VWCE: variants seen among roughly 807,000 people sequenced by gnomAD.
VWCE encodes von Willebrand factor C and EGF domains.
In VWCE, 68 loss-of-function variants were observed where a neutral mutation model predicts 102.9. That is an observed-to-expected ratio of 0.66 (90% CI 0.54 to 0.81). The LOEUF is 0.81. Among genes scored for constraint, VWCE ranks in the 30% least tolerant of loss-of-function variants. The pLI is 0.00. For missense variants in VWCE, 1,137 were observed against 1,263.6 expected, an observed-to-expected ratio of 0.90 and a Z score of 1.52; for synonymous variants, 497 against 515.4, an observed-to-expected ratio of 0.96 and a Z score of 0.48.
intron 19 of VWCE, among the ~76,000 whole-genome samples, chr11:61,261,917 G>T (rs1199420038): frequency 1.3e-5 from 2 of 152,140 alleles, no homozygotes; most frequent in Non-Finnish European, 2.9e-5. Context: ...AACATAGTGT[G>T]CTTCAGGAGA....
In VWCE at chr11:61,268,124, T is replaced by A. The variant is rs111718338; in HGVS notation, c.1883-580A>T. Among the ~76,000 whole-genome samples, 7 of 150,466 alleles carry A rather than the reference T, an allele frequency of 4.7e-5. 1 individual carries two copies. The highest frequency in any genetic ancestry group is 1.7e-4 in the African/African-American group (7 of 41,174). ...TATATGTATGTTTATATATATATTATATATATAATGTACATCTACTAAATG... is the reference window on the plus strand; with the variant it reads ...TATATGTATGTTTATATATATATTAAATATATAATGTACATCTACTAAATG... On this transcript the variant is annotated intron_variant, in intron 15 of 19. Transcript: ENST00000335613.
chr11:61,283,128 C>T (rs1271184041), intron 5 of VWCE, among the ~76,000 whole-genome samples: 1 of 152,202 alleles, frequency 6.6e-6, no homozygotes, highest in Non-Finnish European at 1.5e-5. Context: ...CCACATTCAT[C>T]TCTAGTCTGG....
At position 61,268,960 on chromosome 11, in the gene VWCE, A is replaced by G; in HGVS notation, c.1844T>C (p.Ile615Thr). Residue 615 changes from isoleucine to threonine, a missense_variant, in exon 15 of 20, where the codon ATC becomes ACC. By Grantham distance (89) the Ile-to-Thr change is moderately conservative (BLOSUM62 -1). Around this residue, in one of 5 missense-constraint regions of VWCE, gnomAD observed 212 missense variants for 235.1 expected, o/e 0.90. Transcript: ENST00000335613. ...TGGGCAGCACTGTCCAGGGATCCGG[A>G]TCGGGTGAGGGCAGGAGTCCACACA... ...TDCVDSCPHP[I>T]RIPGQCCPDC... 1.2e-6 allele frequency: 2 copies of G among 1,614,116 alleles called. No homozygotes were observed. Among genetic ancestry groups the G allele is most frequent in the Non-Finnish European group, 1.7e-6 (2 of 1,180,028 alleles).
At chr11:61,262,412 G>A (rs771373943) in intron 19 of VWCE, among the ~76,000 whole-genome samples, 1 of 152,174 alleles carries the variant, frequency 6.6e-6, no homozygotes, top group African/African-American at 2.4e-5. Flanking sequence ...CCTGCAAAAT[G>A]GAGATAACAT....
intron 19 of VWCE, among the ~76,000 whole-genome samples, chr11:61,264,188 T>A (rs914223240): frequency 7.8e-6 from 1 of 128,108 alleles, no homozygotes; most frequent in African/African-American, 3.1e-5. Flanking sequence ...ATAGCGCCAT[T>A]GCACTCCAGC....
intron 6 of VWCE, among the ~76,000 whole-genome samples, chr11:61,282,344 G>T (rs1855170801): frequency 6.6e-6 from 1 of 152,166 alleles, no homozygotes; most frequent in Non-Finnish European, 1.5e-5. Context: ...AGGCCCATGG[G>T]ACCCCACCTT....
At chr11:61,281,983 T>C in intron 6 of VWCE, 69 bp from the exon 7 acceptor site, 1 of 1,564,552 alleles carries the variant, frequency 6.4e-7, no homozygotes, top group East Asian at 2.3e-5. Context: ...GCCCATCCCT[T>C]AGCTCAAAAC....
Position 61,294,966 on chromosome 11 carries a change from G to T in VWCE, c.72C>A (p.Tyr24Ter). Residue 24 changes from tyrosine to a stop codon, truncating the protein, a stop_gained, in exon 1 of 20, where the codon TAC (tyrosine) becomes TAA (stop). Coordinates refer to ENST00000335613, the MANE Select transcript of VWCE (RefSeq NM_152718.2). LOFTEE classifies it high-confidence loss of function. The surrounding 1 kb of genome is among the most constrained non-coding windows in gnomAD (Gnocchi z 6.3). ...LLLPGAPARG[Y>*]TGRKPPGHFA... ...AGTGCCCGGGCGGCTTCCTCCCGGT[G>T]TAGCCTCGGGCTGGTGCCCCCGGCA... The T allele has an allele frequency of 1.4e-6, 2 of 1,468,426 alleles. No individual in the cohort carries two copies. 91.0% of individuals were successfully genotyped at this position (1,468,426 alleles called of 1,614,324 possible). A position where few individuals can be genotyped will look rare whatever the true frequency, so the allele number is the denominator to read the frequency against.
chr11:61,265,437 G>GTTAACA (rs1198186043), intron 16 of VWCE, among the ~76,000 whole-genome samples: 1 of 152,100 alleles, frequency 6.6e-6, no homozygotes, highest in East Asian at 1.9e-4. Flanking sequence ...TGTCCACGGA[G>GTTAACA]GGCATCTGTT....
At chr11:61,273,483 C>T (rs983664710) in intron 12 of VWCE, among the ~76,000 whole-genome samples, 167 bp from the exon 13 acceptor site, 1 of 152,022 alleles carries the variant, frequency 6.6e-6, no homozygotes, top group Non-Finnish European at 1.5e-5. Context: ...CCAAGGAGCA[C>T]AACAGTGGGG....
At chr11:61,289,057 C>T (rs1039003595) in intron 4 of VWCE, among the ~76,000 whole-genome samples, 1 of 151,682 alleles carries the variant, frequency 6.6e-6, no homozygotes, top group African/African-American at 2.4e-5. Flanking sequence ...CATGGCTGGT[C>T]TCGAACCCCT....
At chr11:61,272,376 T>C (rs1042986092) in intron 13 of VWCE, among the ~76,000 whole-genome samples, 1 of 151,092 alleles carries the variant, frequency 6.6e-6, no homozygotes, top group African/African-American at 2.4e-5. Context: ...TACACTTACA[T>C]GCACATACAC....
At chr11:61,278,150 C>G (rs181865867) in intron 10 of VWCE, among the ~76,000 whole-genome samples, 2 of 152,296 alleles carry the variant, frequency 1.3e-5, no homozygotes, top group Admixed American at 1.3e-4. Flanking sequence ...CCTAAACAGA[C>G]GGACCCTGTG....
chr11:61,291,263 C>T lies in VWCE; in HGVS notation c.295+1G>A. The T allele has an allele frequency of 6.3e-7, 1 of 1,577,416 alleles. No homozygotes were observed. Among genetic ancestry groups the T allele is most frequent in the Non-Finnish European group, 8.6e-7 (1 of 1,160,650 alleles). On this transcript the variant is annotated splice_donor_variant, in intron 3 of 19. Transcript: ENST00000335613. LOFTEE classifies it high-confidence loss of function. ...ATCAGCCCCTTCCCATCCCCAGTTA[C>T]CTGGGCAGGTGGCCCCTTGCTCTCC... is the stretch of plus-strand genomic sequence containing the variant.
At chr11:61,272,549 GACAC>G (rs138162210) in intron 13 of VWCE, among the ~76,000 whole-genome samples, 1 of 150,334 alleles carries the variant, frequency 6.7e-6, no homozygotes. Context: ...TTAACACACT[GACAC>G]ACACACACAG....
At position 61,294,951 on chromosome 11, in the gene VWCE, C is replaced by A. The variant is rs999121024; in HGVS notation, c.87G>T (p.Pro29=). The A allele has an allele frequency of 2.8e-6, 4 of 1,453,930 alleles. No homozygotes were observed. The East Asian group carries it at 8.7e-5, about 32-fold the overall frequency. The allele number at this position is 1,453,930 out of a possible 1,614,324, so 90.1% of individuals were successfully genotyped here. The part of the protein sequence containing the change: ...APARGYTGRK[P]PGHFAAERRR... ...ACCTCTCGGCCGCGAAGTGCCCGGG[C>A]GGCTTCCTCCCGGTGTAGCCTCGGG... The change falls in exon 1 of 20, where the codon CCG becomes CCT. Residue 29 remains proline (P), a synonymous_variant. Coordinates refer to ENST00000335613, the MANE Select transcript of VWCE (RefSeq NM_152718.2). The surrounding 1 kb of genome is among the most constrained non-coding windows in gnomAD (Gnocchi z 6.3).
chr11:61,272,642 G>A (rs574710870), intron 13 of VWCE, among the ~76,000 whole-genome samples: 7 of 149,594 alleles, frequency 4.7e-5, no homozygotes, highest in East Asian at 4.0e-4. Context: ...ATACACACTC[G>A]TACACAGGCA....
intron 9 of VWCE, among the ~76,000 whole-genome samples, chr11:61,279,830 A>C (rs1356934910): frequency 6.6e-6 from 1 of 151,988 alleles, no homozygotes; most frequent in Non-Finnish European, 1.5e-5. Context: ...AGCTCAGGTG[A>C]TCCTCCCACC....
chr11:61,287,345 T>A (rs967062136), intron 4 of VWCE, among the ~76,000 whole-genome samples: 2 of 151,938 alleles, frequency 1.3e-5, no homozygotes, highest in African/African-American at 4.8e-5. Context: ...GAAGATCAGA[T>A]GACGAGAGAA....
Sources: allele counts gnomAD v4.1 joint callset (sites outside exome capture counted in the v4.1 genomes callset), GRCh38; gene constraint gnomAD v4.1.1; regional missense constraint gnomAD v4.1.1; non-coding constraint Gnocchi (gnomAD v3.1); transcripts MANE v1.5; gene names NCBI Gene and HGNC (gene_info 2026-07-23, HGNC 2026-07-21).